Variants in CABLES1 observed in about 807,000 individuals in gnomAD.
The protein encoded by CABLES1 is Cdk5 and Abl enzyme substrate 1, also known as CDK5 and ABL1 enzyme substrate 1.
Under a neutral mutation model 57.8 loss-of-function variants are expected in CABLES1, and 36 were observed. The ratio of observed to expected loss-of-function variants is 0.62; its 90% CI spans 0.48 to 0.82. The LOEUF is 0.82. Ranked by LOEUF, CABLES1 falls within the 40% of genes least tolerant of loss-of-function variation. CABLES1 has a pLI of 0.00. For synonymous variants in CABLES1, 374 were observed against 363.0 expected, an observed-to-expected ratio of 1.03 and a Z score of -0.35; for missense variants, 767 against 836.6, an observed-to-expected ratio of 0.92 and a Z score of 1.03.
chr18:23,221,896 C>T (rs2047490120), intron 4 of CABLES1, among the ~76,000 whole-genome samples: 1 of 152,184 alleles, frequency 6.6e-6, no homozygotes, highest in African/African-American at 2.4e-5. Context: ...AGAACTCAAG[C>T]CCCTGATCCA....
At chr18:23,165,437 T>C (rs1302790193) in intron 1 of CABLES1, among the ~76,000 whole-genome samples, 1 of 152,104 alleles carries the variant, frequency 6.6e-6, no homozygotes, top group Non-Finnish European at 1.5e-5. Context: ...TAGTGTTGAA[T>C]ACATTCACAT....
At chr18:23,179,599 C>T (rs1215452365) in intron 1 of CABLES1, among the ~76,000 whole-genome samples, 16 of 152,248 alleles carry the variant, frequency 1.1e-4, no homozygotes, top group Admixed American at 7.2e-4. Flanking sequence ...TGACCTGGCC[C>T]GGCCAGTATG....
intron 1 of CABLES1, among the ~76,000 whole-genome samples, chr18:23,186,194 T>C (rs2047201338): frequency 6.6e-6 from 1 of 152,076 alleles, no homozygotes; most frequent in South Asian, 2.1e-4. Flanking sequence ...GAGCCTAGAG[T>C]TGGGACACTC....
chr18:23,183,727 A>G (rs967570721), intron 1 of CABLES1, among the ~76,000 whole-genome samples: 7 of 152,170 alleles, frequency 4.6e-5, no homozygotes, highest in Admixed American at 1.3e-4. Context: ...TCAGCCTGCT[A>G]TTTTGGTCCA....
chr18:23,246,686 C>T (rs562741910), intron 7 of CABLES1, among the ~76,000 whole-genome samples: 41 of 151,486 alleles, frequency 2.7e-4, no homozygotes, highest in Admixed American at 4.6e-4. Context: ...CCACCGCACC[C>T]GGCCAGTTTT....
intron 4 of CABLES1, among the ~76,000 whole-genome samples, chr18:23,215,166 G>A (rs2047432674): frequency 6.6e-6 from 1 of 152,188 alleles, no homozygotes; most frequent in Non-Finnish European, 1.5e-5. Context: ...ACCTTGCAAA[G>A]TAGGTGTTCT....
intron 1 of CABLES1, among the ~76,000 whole-genome samples, chr18:23,174,534 C>T (rs1053601386): frequency 5.3e-5 from 8 of 151,418 alleles, no homozygotes; most frequent in African/African-American, 1.5e-4. Flanking sequence ...TGCAGTGGCA[C>T]GATCTCAGTT....
intron 4 of CABLES1, chr18:23,214,291 T>G: frequency 2.3e-6 from 1 of 438,288 alleles, no homozygotes; most frequent in Non-Finnish European, 4.0e-6. Context: ...AAATCTACAT[T>G]TTGTTACCTT....
chr18:23,161,160 A>G (rs992527068), intron 1 of CABLES1, among the ~76,000 whole-genome samples: 95 of 151,424 alleles, frequency 6.3e-4, no homozygotes, highest in African/African-American at 2.2e-3. Flanking sequence ...GTGAGCTATG[A>G]TCATCAGCAC....
chr18:23,250,822 A>C (rs2048019746), intron 7 of CABLES1, among the ~76,000 whole-genome samples: 1 of 152,252 alleles, frequency 6.6e-6, no homozygotes, highest in Non-Finnish European at 1.5e-5. Flanking sequence ...CAAGTGTTCG[A>C]AAACTCTGAA....
In CABLES1 at chr18:23,135,886, G is replaced by A. The variant is rs1332455410; in HGVS notation, c.124G>A (p.Ala42Thr). 1 of 1,053,576 alleles carries A rather than the reference G, an allele frequency of 9.5e-7. No homozygotes were observed. Among genetic ancestry groups the A allele is most frequent in the Non-Finnish European group, 1.1e-6 (1 of 878,146 alleles). 65.3% of individuals were successfully genotyped at this position (1,053,576 alleles called of 1,614,324 possible). The change falls in exon 1 of 10, where the codon GCC (alanine) becomes ACC (threonine). Residue 42 changes from alanine (A) to threonine (T), a missense_variant. By Grantham distance (58) the Ala-to-Thr change is moderately conservative. Coordinates refer to ENST00000256925, the MANE Select transcript of CABLES1 (RefSeq NM_001100619.3). ...GCAGCCCCAGCCTCAGCCCGCGGCC[G>A]CCGCGCCGGCCCAGCCGCCGCCCGA... ...PPQPQPQPAAAAPAQPPPEPP... is the reference protein window; with the variant it reads ...PPQPQPQPAATAPAQPPPEPP...
At chr18:23,194,587 CAG>C in intron 3 of CABLES1, 47 bp downstream of exon 3, 1 of 1,284,548 alleles carries the variant, frequency 7.8e-7, no homozygotes, top group Non-Finnish European at 1.1e-6. Context: ...TGGGTGGAGA[CAG>C]GGACTGGAGG....
chr18:23,163,924 G>T (rs144255864), intron 1 of CABLES1, among the ~76,000 whole-genome samples: 1 of 152,228 alleles, frequency 6.6e-6, no homozygotes, highest in East Asian at 1.9e-4. Context: ...CTGTATAATA[G>T]CCTATAAGGT....
intron 1 of CABLES1, among the ~76,000 whole-genome samples, chr18:23,184,872 G>A (rs1247070471): frequency 6.6e-6 from 1 of 152,046 alleles, no homozygotes; most frequent in Non-Finnish European, 1.5e-5. Flanking sequence ...AGAGCTCTCT[G>A]GGGTCCCCTT....
chr18:23,158,159 G>T (rs1369264085), intron 1 of CABLES1, among the ~76,000 whole-genome samples: 1 of 151,360 alleles, frequency 6.6e-6, no homozygotes, highest in African/African-American at 2.4e-5. Flanking sequence ...AAATTTAGCT[G>T]GGTGTAGTGG....
upstream of CABLES1, among the ~76,000 whole-genome samples, chr18:23,134,889 C>T (rs1377798861): frequency 1.3e-5 from 2 of 152,104 alleles, no homozygotes; most frequent in East Asian, 3.9e-4. Context: ...GCATCCTTGG[C>T]CTGGGAATGA....
chr18:23,254,111 T>C (rs566168139), intron 9 of CABLES1, among the ~76,000 whole-genome samples, 175 bp downstream of exon 9: 1 of 152,332 alleles, frequency 6.6e-6, no homozygotes, highest in East Asian at 1.9e-4. Flanking sequence ...TCTTAAAACA[T>C]AGGGATGATC....
At chr18:23,161,500 C>T (rs1022744177) in intron 1 of CABLES1, among the ~76,000 whole-genome samples, 3 of 150,838 alleles carry the variant, frequency 2.0e-5, no homozygotes, top group African/African-American at 7.3e-5. Flanking sequence ...AGTTCTTGAA[C>T]ACATACTGTG....
chr18:23,170,727 G>A (rs1012888943), intron 1 of CABLES1, among the ~76,000 whole-genome samples: 6 of 152,134 alleles, frequency 3.9e-5, no homozygotes, highest in Non-Finnish European at 5.9e-5. Flanking sequence ...AGTCTGCTTT[G>A]GAAAGAATAG....
Sources: gnomAD v4.1 joint callset for allele counts (sites outside exome capture counted in the v4.1 genomes callset) on GRCh38, gnomAD v4.1.1 for gene constraint, MANE v1.5 for transcripts, NCBI Gene and HGNC (gene_info 2026-07-23, HGNC 2026-07-21) for gene names.